The following RHBDL2 variants were observed in gnomAD, a reference collection of about 807,000 sequenced individuals.
RHBDL2 encodes rhomboid-related protein 2.
In RHBDL2, 26 loss-of-function variants were observed where a neutral mutation model predicts 31.7. That is an observed-to-expected ratio of 0.82 (90% CI 0.60 to 1.14). RHBDL2 has a LOEUF of 1.14. Ranked by LOEUF, RHBDL2 falls within the 50% of genes most tolerant of loss-of-function variation. The pLI is 0.00. For synonymous variants in RHBDL2, 123 were observed against 127.2 expected (o/e 0.97, Z 0.22); for missense variants, 336 against 364.4 (o/e 0.92, Z 0.63).
intron 4 of RHBDL2, among the ~76,000 whole-genome samples, chr1:38,910,753 C>CTTT (rs765064879): frequency 8.8e-3 from 966 of 110,400 alleles, no homozygotes; most frequent in African/African-American, 0.02. Flanking sequence ...TATTCCTTTT[C>CTTT]TTTTTTTTTT....
chr1:38,920,081 G>T (rs1643290836), intron 1 of RHBDL2, among the ~76,000 whole-genome samples: 1 of 151,564 alleles, frequency 6.6e-6, no homozygotes, highest in South Asian at 2.1e-4. Flanking sequence ...GACCTATACT[G>T]GATATTTCAC....
chr1:38,907,634 A>C (rs941090703), intron 4 of RHBDL2, among the ~76,000 whole-genome samples: 6 of 152,152 alleles, frequency 3.9e-5, no homozygotes, highest in Non-Finnish European at 8.8e-5. Flanking sequence ...TTAGGAGCCC[A>C]AGGCCGGAGG....
chr1:38,889,501 G>C (rs547034892), intron 6 of RHBDL2, among the ~76,000 whole-genome samples: 1 of 152,132 alleles, frequency 6.6e-6, no homozygotes, highest in Non-Finnish European at 1.5e-5. Context: ...TGTAGCAATC[G>C]AAGTGAAGAA....
intron 6 of RHBDL2, among the ~76,000 whole-genome samples, chr1:38,890,987 G>T (rs1011614936): frequency 6.6e-6 from 1 of 152,028 alleles, no homozygotes; most frequent in Admixed American, 6.6e-5. Context: ...TTTACAACTT[G>T]GCTGGGCTCA....
At chr1:38,921,104 T>A (rs1643308646) in intron 1 of RHBDL2, among the ~76,000 whole-genome samples, 1 of 152,148 alleles carries the variant, frequency 6.6e-6, no homozygotes, top group African/African-American at 2.4e-5. Context: ...ATAATGCATG[T>A]AAAGCACTTA....
chr1:38,912,963 C>CGTGTGTGT (rs146456884), intron 3 of RHBDL2, among the ~76,000 whole-genome samples: 1,996 of 112,246 alleles, frequency 0.018, 80 homozygotes, highest in Non-Finnish European at 0.022. Flanking sequence ...TACATATACA[C>CGTGTGTGT]GTGTGTGTGT....
chr1:38,889,076 A>G (rs1642821433), intron 6 of RHBDL2, among the ~76,000 whole-genome samples: 1 of 152,136 alleles, frequency 6.6e-6, no homozygotes, highest in Non-Finnish European at 1.5e-5. Flanking sequence ...GCTCTTGAGC[A>G]CAGGAGTGAC....
At chr1:38,915,837 G>A (rs1162660437) in intron 2 of RHBDL2, 127 bp from the exon 3 acceptor site, 18 of 807,932 alleles carry the variant, frequency 2.2e-5, no homozygotes, top group Non-Finnish European at 3.6e-5. Context: ...GTGCCAGAAG[G>A]TGACATGAAA....
chr1:38,893,515 T>G (rs2124303226), intron 5 of RHBDL2, among the ~76,000 whole-genome samples: 1 of 152,242 alleles, frequency 6.6e-6, no homozygotes, highest in Admixed American at 6.5e-5. Flanking sequence ...TGTCAATAAA[T>G]AAATAGATAA....
At position 38,903,285 on chromosome 1, in the gene RHBDL2, G is replaced by A. The variant is rs1376246812; in HGVS notation, c.509-7216C>T. ...CTCCCAAGTAGCTGGGATTACAGGC[G>A]CCCACCACCACACCCAGCTAATTTT... On this transcript the variant is annotated intron_variant, in intron 4 of 7. Transcript: ENST00000372990. Among the ~76,000 whole-genome samples, 9 of 151,142 alleles carry A rather than the reference G, an allele frequency of 6.0e-5. No individual in the cohort carries two copies. The East Asian group carries it at 1.2e-3, about 20-fold the overall frequency.
chr1:38,911,972 A>G (rs61780055), intron 3 of RHBDL2, among the ~76,000 whole-genome samples: 1 of 150,226 alleles, frequency 6.7e-6, no homozygotes, highest in Admixed American at 6.6e-5. Flanking sequence ...ACGCCCAGCT[A>G]ATTTTTTTTT....
chr1:38,888,352 A>C (rs1169185767), intron 6 of RHBDL2, among the ~76,000 whole-genome samples: 1 of 147,544 alleles, frequency 6.8e-6, no homozygotes, highest in Admixed American at 6.7e-5. Flanking sequence ...GTTGGGGGGT[A>C]TGTGGGGGGG....
chr1:38,924,455 G>A (rs372754054), intron 1 of RHBDL2, among the ~76,000 whole-genome samples: 164 of 152,132 alleles, frequency 1.1e-3, no homozygotes, highest in African/African-American at 3.7e-3. Context: ...TTAGCCAGGC[G>A]TGGTGGCGGG....
chr1:38,900,658 G>A (rs926625799), intron 4 of RHBDL2, among the ~76,000 whole-genome samples: 2 of 151,740 alleles, frequency 1.3e-5, no homozygotes, highest in African/African-American at 2.4e-5. Flanking sequence ...CCTGGGAGAC[G>A]GAGGTTGCAG....
At chr1:38,922,191 G>T (rs1464617595) in intron 1 of RHBDL2, among the ~76,000 whole-genome samples, 1 of 151,776 alleles carries the variant, frequency 6.6e-6, no homozygotes, top group African/African-American at 2.4e-5. Flanking sequence ...GCCTTGTAAA[G>T]TAGACATGTA....
chr1:38,912,986 T>TGTA (rs1557616015), intron 3 of RHBDL2, among the ~76,000 whole-genome samples: 18 of 44,990 alleles, frequency 4.0e-4, no homozygotes, highest in Admixed American at 7.0e-4. Context: ...GTGTGTGTAT[T>TGTA]TTTTTTTTTT....
At chr1:38,892,652 C>T (rs1264048407) in intron 6 of RHBDL2, among the ~76,000 whole-genome samples, 1 of 152,152 alleles carries the variant, frequency 6.6e-6, no homozygotes, top group Non-Finnish European at 1.5e-5. Context: ...AAACCAATCA[C>T]ATGGTGAAAA....
At chr1:38,908,976 C>T (rs957317339) in intron 4 of RHBDL2, among the ~76,000 whole-genome samples, 9 of 152,178 alleles carry the variant, frequency 5.9e-5, no homozygotes, top group African/African-American at 2.2e-4. Flanking sequence ...GATGGTTTTC[C>T]CCTGGAGTCA....
intron 5 of RHBDL2, among the ~76,000 whole-genome samples, chr1:38,894,968 G>C (rs1258253712): frequency 2.0e-5 from 3 of 152,164 alleles, no homozygotes. Context: ...GCCTCCCACA[G>C]TGTTGGGATT....
Sources: allele counts gnomAD v4.1 joint callset (sites outside exome capture counted in the v4.1 genomes callset), GRCh38; gene constraint gnomAD v4.1.1; transcripts MANE v1.5; gene names NCBI Gene and HGNC (gene_info 2026-07-23, HGNC 2026-07-21).